The following EHMT1 variants were observed in gnomAD, a reference collection of about 807,000 sequenced individuals.
EHMT1 encodes the protein euchromatic histone lysine methyltransferase 1.
EHMT1 carries 15 observed loss-of-function variants against 147.2 expected under a neutral mutation model. The ratio of observed to expected loss-of-function variants is 0.10; its 90% confidence interval spans 0.07 to 0.16. The LOEUF is 0.16. Among genes scored for constraint, EHMT1 ranks in the 10% least tolerant of loss-of-function variants. EHMT1 has a pLI of 1.00. For synonymous variants in EHMT1, 795 were observed against 709.6 expected (o/e 1.12, Z -1.91); for missense variants, 1,587 against 1,772.4 (o/e 0.90, Z 1.88).
chr9:137,685,681 C>T (rs1942364157), intron 1 of EHMT1, among the ~76,000 whole-genome samples: 1 of 152,156 alleles, frequency 6.6e-6, no homozygotes, highest in Non-Finnish European at 1.5e-5. Flanking sequence ...TTTGTGTTTC[C>T]ATTAGCAATA....
rs368265583 is a variant in EHMT1, at chr9:137,662,666, AT to A, written c.21+43623del. Among the ~76,000 whole-genome samples, 41 of 151,936 alleles carry A rather than the reference AT, an allele frequency of 2.7e-4. No homozygotes were observed. The East Asian group carries it at 6.4e-3, about 24-fold the overall frequency. ...AGATGCCTGCCACCACACTGGGCTAATTTTTTGTATTTTTAGTAGAGATGGG... is the reference window on the plus strand; with the variant it reads ...AGATGCCTGCCACCACACTGGGCTAATTTTTGTATTTTTAGTAGAGATGGG... On this transcript the variant is annotated intron_variant, in intron 1 of 26. Coordinates refer to ENST00000460843, the MANE Select transcript of EHMT1 (RefSeq NM_024757.5).
At chr9:137,772,396 G>T (rs753406971) in intron 10 of EHMT1, among the ~76,000 whole-genome samples, 6 of 152,106 alleles carry the variant, frequency 3.9e-5, no homozygotes, top group Non-Finnish European at 7.3e-5. Context: ...GTTTTGTAGC[G>T]GTGGGCTTGT....
intron 1 of EHMT1, among the ~76,000 whole-genome samples, chr9:137,621,157 A>G (rs1369942368): frequency 1.3e-5 from 2 of 152,180 alleles, no homozygotes; most frequent in Non-Finnish European, 2.9e-5. Flanking sequence ...TTTTAGATTG[A>G]TAATTCTAAG....
chr9:137,656,365 G>A (rs954807725), intron 1 of EHMT1, among the ~76,000 whole-genome samples: 9 of 152,174 alleles, frequency 5.9e-5, no homozygotes, highest in Admixed American at 2.0e-4. Flanking sequence ...GGGTGACAGA[G>A]CGAGACTCCA....
chr9:137,705,526 C>T lies in EHMT1; in HGVS notation c.22-5441C>T, dbSNP rs1019808416. Among the ~76,000 whole-genome samples, 6 of 152,318 alleles carry T rather than the reference C, an allele frequency of 3.9e-5. No homozygotes were observed. In the East Asian group the frequency reaches 5.8e-4, roughly 15 times the overall value. ...ACACTGGTTTTGTTCTCTTACCCAC[C>T]GTCCTGGTGTGTACTCTACATTGTG... On this transcript the variant is annotated intron_variant, in intron 1 of 26. Transcript: ENST00000460843.
chr9:137,708,393 A>G (rs1944429131), intron 1 of EHMT1, among the ~76,000 whole-genome samples: 1 of 152,234 alleles, frequency 6.6e-6, no homozygotes, highest in Non-Finnish European at 1.5e-5. Flanking sequence ...AAACTGTGCC[A>G]ATGACCTTCT....
chr9:137,656,768 G>A (rs1256090840), intron 1 of EHMT1, among the ~76,000 whole-genome samples: 5 of 151,708 alleles, frequency 3.3e-5, no homozygotes, highest in Non-Finnish European at 5.9e-5. Context: ...TTGAGACAGC[G>A]TCTCGCTATT....
chr9:137,716,053 T>C (rs1357586814), intron 2 of EHMT1, among the ~76,000 whole-genome samples: 2 of 142,550 alleles, frequency 1.4e-5, no homozygotes, highest in East Asian at 4.2e-4. Flanking sequence ...TGTGTTGGTG[T>C]CATGGTGGGG....
intron 15 of EHMT1, chr9:137,788,060 CAA>C (rs1316618671): frequency 5.1e-6 from 7 of 1,369,604 alleles, no homozygotes; most frequent in South Asian, 2.8e-5. Context: ...CTCCCGCTGG[CAA>C]AGTCTCCCCC....
chr9:137,775,273 CCT>C lies in EHMT1; in HGVS notation c.1791+24_1791+25del, dbSNP rs979568686. The C allele has an allele frequency of 6.2e-7, 1 of 1,606,462 alleles. No homozygotes were observed. The highest frequency in any genetic ancestry group is 1.7e-5 in the Admixed American group (1 of 59,976). On this transcript the variant is annotated intron_variant, in intron 11 of 26. Transcript: ENST00000460843. This position sits in a 1 kb window ranked among gnomAD's most constrained non-coding sequence, Gnocchi z 6.1. ...CAGCGGTAAGAGCCCAGTCCGGCAG[CCT>C]CTGAGTCCTCCGCAGGCTTTGCTGT...
At chr9:137,788,327 G>C (rs894939725) in intron 15 of EHMT1, 2 of 387,926 alleles carry the variant, frequency 5.2e-6, no homozygotes, top group Middle Eastern at 6.6e-4. Flanking sequence ...CACTCAGGGG[G>C]CCCAGGACGT....
chr9:137,701,712 C>G (rs570335851), intron 1 of EHMT1, among the ~76,000 whole-genome samples: 112 of 150,722 alleles, frequency 7.4e-4, no homozygotes, highest in African/African-American at 2.5e-3. Context: ...ACTGCAACCT[C>G]CACCTCCCAG....
chr9:137,666,524 G>A (rs530108515), intron 1 of EHMT1, among the ~76,000 whole-genome samples: 13 of 151,240 alleles, frequency 8.6e-5, no homozygotes, highest in African/African-American at 2.7e-4. Context: ...GGGACCCTGG[G>A]ACCAGAGGCC....
intron 24 of EHMT1, 107 bp downstream of exon 24, chr9:137,817,632 G>T: frequency 7.2e-7 from 1 of 1,396,344 alleles, no homozygotes; most frequent in South Asian, 1.2e-5. Context: ...CATCCCTGGC[G>T]TACAGCAGCG....
intron 6 of EHMT1, among the ~76,000 whole-genome samples, chr9:137,745,081 T>C (rs918831685): frequency 7.9e-5 from 12 of 152,234 alleles, no homozygotes; most frequent in African/African-American, 2.9e-4. Flanking sequence ...GACGCAATCT[T>C]GTATCTAAGA....
In EHMT1 at chr9:137,813,834, GT is replaced by G. The variant is rs2137733300; in HGVS notation, c.3180+305del. Among the ~76,000 whole-genome samples, 1 of 152,234 alleles carries G rather than the reference GT, an allele frequency of 6.6e-6. No individual in the cohort carries two copies. Among genetic ancestry groups the G allele is most frequent in the South Asian group, 2.1e-4 (1 of 4,820 alleles). ...CACTCAGGGGCCCCGGTGTGGCTTCGTGCTGGGGGCACAGGCGAGAGGAGCC... is the reference window on the plus strand; with the variant it reads ...CACTCAGGGGCCCCGGTGTGGCTTCGGCTGGGGGCACAGGCGAGAGGAGCC... On this transcript the variant is annotated intron_variant, in intron 21 of 26. Coordinates refer to ENST00000460843, the MANE Select transcript of EHMT1 (RefSeq NM_024757.5). This position sits in a 1 kb window ranked among gnomAD's most constrained non-coding sequence, Gnocchi z 4.9.
chr9:137,709,083 C>T (rs1286900196), intron 1 of EHMT1, among the ~76,000 whole-genome samples: 2 of 152,132 alleles, frequency 1.3e-5, no homozygotes, highest in South Asian at 2.1e-4. Context: ...CTGACCTGGT[C>T]GATGCAAAGG....
intron 1 of EHMT1, among the ~76,000 whole-genome samples, chr9:137,661,327 G>A (rs1939052705): frequency 6.6e-6 from 1 of 151,824 alleles, no homozygotes; most frequent in African/African-American, 2.4e-5. Context: ...TTAGGATGGT[G>A]TTTATTTTTT....
intron 25 of EHMT1, among the ~76,000 whole-genome samples, chr9:137,832,361 C>G (rs534882754): frequency 6.9e-6 from 1 of 145,786 alleles, no homozygotes; most frequent in Non-Finnish European, 1.5e-5. Context: ...CTCTGCACCT[C>G]GCTCCCGTCC....
Sources: allele counts gnomAD v4.1 joint callset (sites outside exome capture counted in the v4.1 genomes callset), GRCh38; gene constraint gnomAD v4.1.1; non-coding constraint Gnocchi (gnomAD v3.1); transcripts MANE v1.5; gene names NCBI Gene and HGNC (gene_info 2026-07-23, HGNC 2026-07-21).